Variants in ERO1B observed in about 807,000 individuals in gnomAD.
ERO1B encodes the protein ERO1-like protein beta.
In ERO1B, 49 loss-of-function variants were observed where a neutral mutation model predicts 75.3. The ratio of observed to expected loss-of-function variants is 0.65; its 90% confidence interval spans 0.52 to 0.83. ERO1B has a LOEUF of 0.83. Ranked by LOEUF, ERO1B falls within the 40% of genes least tolerant of loss-of-function variation. The pLI is 0.00. For missense variants in ERO1B, 512 were observed against 560.1 expected, an observed-to-expected ratio of 0.91 and a Z score of 0.87; for synonymous variants, 191 against 192.9, an observed-to-expected ratio of 0.99 and a Z score of 0.08.
At chr1:236,278,395 C>A (rs1665754138) in intron 1 of ERO1B, among the ~76,000 whole-genome samples, 2 of 151,832 alleles carry the variant, frequency 1.3e-5, no homozygotes, top group Non-Finnish European at 2.9e-5. Flanking sequence ...ACAGCTACAT[C>A]CTCAATATAA....
In ERO1B at chr1:236,216,383, C is replaced by G. The variant is rs1217803917; in HGVS notation, c.*2133G>C. 1 of 152,090 alleles carries G rather than the reference C, an allele frequency of 6.6e-6. No homozygotes were observed. Among genetic ancestry groups the G allele is most frequent in the East Asian group, 1.9e-4 (1 of 5,196 alleles). The allele number at this position is 152,090 out of a possible 1,614,324, so 9.4% of individuals were successfully genotyped here. A position where few individuals can be genotyped will look rare whatever the true frequency, so the allele number is the denominator to read the frequency against. On this transcript the variant is annotated 3_prime_UTR_variant, in exon 16 of 16. Coordinates refer to ENST00000354619, the MANE Select transcript of ERO1B (RefSeq NM_019891.4). ...ACAAGAACCATAAAATGTCACCAGGCTCACACAATCATTTAAGAAATAAAA... is the reference window on the plus strand; with the variant it reads ...ACAAGAACCATAAAATGTCACCAGGGTCACACAATCATTTAAGAAATAAAA...
chr1:236,231,864 A>G (rs191539564), intron 9 of ERO1B, among the ~76,000 whole-genome samples: 1 of 152,310 alleles, frequency 6.6e-6, no homozygotes, highest in African/African-American at 2.4e-5. Flanking sequence ...GCCAACAGGA[A>G]AAGTCTAGTA....
chr1:236,226,417 T>C lies in ERO1B; in HGVS notation c.904A>G (p.Asn302Asp). The change falls in exon 12 of 16, where the codon AAT (asparagine) becomes GAT (aspartate). Residue 302 changes from asparagine (N) to aspartate (D), a missense_variant. By Grantham distance (23) the Asn-to-Asp change is conservative. Transcript: ENST00000354619. ...TKGEGPRRLK[N>D]LYFLYLIELR... Reference sequence around the variant, plus strand: ...TCAATCAAGTATAAAAAGTAAAGATTCTTGAGCCTTCTTGGACCTTCTCCC... The same window carrying C: ...TCAATCAAGTATAAAAAGTAAAGATCCTTGAGCCTTCTTGGACCTTCTCCC... The C allele has an allele frequency of 6.2e-7, 1 of 1,614,136 alleles. No homozygotes were observed.
At chr1:236,265,875 C>A (rs886390605) in intron 2 of ERO1B, among the ~76,000 whole-genome samples, 2 of 152,172 alleles carry the variant, frequency 1.3e-5, no homozygotes, top group African/African-American at 4.8e-5. Context: ...TTTCCCCAAA[C>A]CTTCTCATGG....
chr1:236,256,484 T>C (rs1452193719), intron 2 of ERO1B, among the ~76,000 whole-genome samples: 1 of 152,044 alleles, frequency 6.6e-6, no homozygotes, highest in Non-Finnish European at 1.5e-5. Context: ...GCCTTCTGCC[T>C]CCATGTGCTC....
At position 236,255,989 on chromosome 1, in the gene ERO1B, C is replaced by G. The variant is rs538999572; in HGVS notation, c.223-2484G>C. 1.3e-3 allele frequency among the ~76,000 whole-genome samples: 195 copies of G among 152,350 alleles called. 1 individual carries two copies. Among genetic ancestry groups the G allele is most frequent in the African/African-American group, 4.2e-3 (174 of 41,586 alleles). On this transcript the variant is annotated intron_variant, in intron 2 of 15. Coordinates refer to ENST00000354619, the MANE Select transcript of ERO1B (RefSeq NM_019891.4). Reference sequence around the variant, plus strand: ...TTCCAGCAACTCCCTGAGGCTCTGGCCTCTAACAAGCCAGTATCTGGGAAC... The same window carrying G: ...TTCCAGCAACTCCCTGAGGCTCTGGGCTCTAACAAGCCAGTATCTGGGAAC...
intron 6 of ERO1B, among the ~76,000 whole-genome samples, chr1:236,237,674 T>C (rs748650826): frequency 2.0e-5 from 3 of 152,164 alleles, no homozygotes; most frequent in Non-Finnish European, 2.9e-5. Context: ...AGGCAGCTGG[T>C]TTAAAACAGG....
At chr1:236,228,578 T>A (rs1664329798) in intron 10 of ERO1B, among the ~76,000 whole-genome samples, 1 of 152,190 alleles carries the variant, frequency 6.6e-6, no homozygotes, top group African/African-American at 2.4e-5. Context: ...TAGAAAATGG[T>A]TCTCTTCTTC....
chr1:236,270,850 C>G (rs1024496614), intron 1 of ERO1B, among the ~76,000 whole-genome samples: 1 of 151,922 alleles, frequency 6.6e-6, no homozygotes, highest in Non-Finnish European at 1.5e-5. Context: ...GGATTAGGGA[C>G]TGGGGTAGGG....
At chr1:236,270,994 A>C (rs1312155012) in intron 1 of ERO1B, among the ~76,000 whole-genome samples, 1 of 152,180 alleles carries the variant, frequency 6.6e-6, no homozygotes, top group Non-Finnish European at 1.5e-5. Context: ...TGTATGTGAT[A>C]AAATTATATG....
chr1:236,262,355 G>T (rs1339050952), intron 2 of ERO1B, among the ~76,000 whole-genome samples: 5 of 152,094 alleles, frequency 3.3e-5, no homozygotes, highest in African/African-American at 9.7e-5. Context: ...CACATTGCTT[G>T]CTTTCTCACA....
At position 236,217,387 on chromosome 1, in the gene ERO1B, G is replaced by C. The variant is rs1247383391; in HGVS notation, c.*1129C>G. On this transcript the variant is annotated 3_prime_UTR_variant, in exon 16 of 16. Transcript: ENST00000354619. ...ATGAATCACAGAAAGTCCTCTGTTG[G>C]TATGAATCACAGAAAGTACCGTTTA... 1.1e-5 allele frequency: 1 copy of C among 89,982 alleles called. No individual in the cohort carries two copies. The highest frequency in any genetic ancestry group is 2.3e-5 in the Non-Finnish European group (1 of 44,290). The allele number at this position is 89,982 out of a possible 1,614,324, so 5.6% of individuals were successfully genotyped here.
At chr1:236,257,171 G>C (rs1270168091) in intron 2 of ERO1B, among the ~76,000 whole-genome samples, 1 of 152,190 alleles carries the variant, frequency 6.6e-6, no homozygotes, top group Non-Finnish European at 1.5e-5. Context: ...AGAGACAGCA[G>C]GCTGGACAAG....
Position 236,281,808 on chromosome 1 carries a change from C to T in ERO1B, c.-25G>A, listed in dbSNP as rs1558526427. 1.0e-5 allele frequency: 14 copies of T among 1,403,262 alleles called. No homozygotes were observed. Among genetic ancestry groups the T allele is most frequent in the Non-Finnish European group, 1.3e-5 (14 of 1,068,384 alleles). 86.9% of individuals were successfully genotyped at this position (1,403,262 alleles called of 1,614,324 possible). A position where few individuals can be genotyped will look rare whatever the true frequency, so the allele number is the denominator to read the frequency against. On this transcript the variant is annotated 5_prime_UTR_variant, in exon 1 of 16. Coordinates refer to ENST00000354619, the MANE Select transcript of ERO1B (RefSeq NM_019891.4). ...TGCTGACCTCTACCCACACCGCGGC[C>T]AGCCGGACCCCTCGGGGCCGGGGAA...
At chr1:236,224,942 T>G in intron 13 of ERO1B, 128 bp downstream of exon 13, 1 of 820,212 alleles carries the variant, frequency 1.2e-6, no homozygotes. Flanking sequence ...CCATTTGTAT[T>G]AAAATCCAAT....
intron 5 of ERO1B, among the ~76,000 whole-genome samples, chr1:236,246,317 TG>T (rs1664885741): frequency 6.6e-6 from 1 of 152,100 alleles, no homozygotes; most frequent in South Asian, 2.1e-4. Context: ...TATAGGCTCA[TG>T]CCACTGCACC....
chr1:236,240,798 A>C (rs887422573), intron 6 of ERO1B, among the ~76,000 whole-genome samples: 6 of 135,392 alleles, frequency 4.4e-5, no homozygotes, highest in African/African-American at 1.7e-4. Flanking sequence ...AGAAACCGAT[A>C]CACTCAATAA....
chr1:236,273,422 T>C (rs1483514817), intron 1 of ERO1B, among the ~76,000 whole-genome samples: 2 of 152,164 alleles, frequency 1.3e-5, no homozygotes, highest in Non-Finnish European at 2.9e-5. Flanking sequence ...ACAACAGCAA[T>C]AGAAAATTAC....
At chr1:236,220,782 G>A (rs1398659208) in intron 15 of ERO1B, 50 bp downstream of exon 15, 1 of 1,468,616 alleles carries the variant, frequency 6.8e-7, no homozygotes, top group Admixed American at 2.5e-5. Context: ...TTTGCAGTTT[G>A]TTGAAACCCA....
Sources: allele counts gnomAD v4.1 joint callset (sites outside exome capture counted in the v4.1 genomes callset), GRCh38; gene constraint gnomAD v4.1.1; transcripts MANE v1.5; gene names NCBI Gene and HGNC (gene_info 2026-07-23, HGNC 2026-07-21).